NTM: variants seen among roughly 807,000 people sequenced by gnomAD.
NTM encodes the protein IgLON family member 2.
In NTM, 13 loss-of-function variants were observed where a neutral mutation model predicts 42.1. The observed-to-expected ratio is 0.31, with a 90% CI of 0.20 to 0.49. NTM has a LOEUF of 0.49. Among genes scored for constraint, NTM ranks in the 20% least tolerant of loss-of-function variants. NTM has a pLI of 0.99. For synonymous variants in NTM, 187 were observed against 179.2 expected (o/e 1.04, Z -0.35); for missense variants, 373 against 452.8 (o/e 0.82, Z 1.60).
intron 1 of NTM, among the ~76,000 whole-genome samples, chr11:131,608,231 C>CT (rs1233069842): frequency 1.3e-5 from 2 of 152,140 alleles, no homozygotes; most frequent in East Asian, 1.9e-4. Context: ...TGAACTCATC[C>CT]TTTTTTATGG....
intron 1 of NTM, among the ~76,000 whole-genome samples, chr11:131,679,887 G>A (rs896374404): frequency 5.3e-5 from 8 of 152,166 alleles, no homozygotes; most frequent in Non-Finnish European, 8.8e-5. Flanking sequence ...TGGGCTTTCC[G>A]ATGGAGAAGG....
chr11:131,432,839 C>CATTTTTTTTTTTTTTTTTTTTTTTTTTT (rs1565494793), intron 1 of NTM, among the ~76,000 whole-genome samples: 49 of 68,698 alleles, frequency 7.1e-4, no homozygotes, highest in Non-Finnish European at 1.1e-3. Flanking sequence ...ATTTAGCATT[C>CATTTTTTTTTTTTTTTTTTTTTTTTTTT]TTTTTTTTTT....
Position 131,390,649 on chromosome 11 carries a change from G to T in NTM, c.82+19761G>T, listed in dbSNP as rs137981764. 3.1e-3 allele frequency among the ~76,000 whole-genome samples: 472 copies of T among 152,266 alleles called. 2 individuals are homozygous for T. Among genetic ancestry groups the T allele is most frequent in the Non-Finnish European group, 4.8e-3 (327 of 68,014 alleles). Reference sequence around the variant, plus strand: ...AAAGAAGAAAGTGGTGCAGGCCTGGGAAACAGTGGTAACCATCAGCATTTC... The same window carrying T: ...AAAGAAGAAAGTGGTGCAGGCCTGGTAAACAGTGGTAACCATCAGCATTTC... On this transcript the variant is annotated intron_variant, in intron 1 of 8. Coordinates refer to ENST00000683400, the MANE Select transcript of NTM (RefSeq NM_001352005.2).
At chr11:131,588,687 T>G (rs1337938306) in intron 1 of NTM, among the ~76,000 whole-genome samples, 1 of 152,222 alleles carries the variant, frequency 6.6e-6, no homozygotes, top group Non-Finnish European at 1.5e-5. Context: ...CATCATCAAA[T>G]TTTTAACACT....
intron 2 of NTM, among the ~76,000 whole-genome samples, chr11:131,978,479 A>C (rs966567159): frequency 6.6e-6 from 1 of 152,146 alleles, no homozygotes; most frequent in East Asian, 1.9e-4. Context: ...AAGAAAAAAA[A>C]CAGTAGACCT....
intron 2 of NTM, among the ~76,000 whole-genome samples, chr11:131,962,103 C>T (rs1170553948): frequency 2.0e-5 from 3 of 152,032 alleles, no homozygotes; most frequent in African/African-American, 7.2e-5. Flanking sequence ...ATTCTGAGCC[C>T]CTTCCCTCCT....
intron 1 of NTM, among the ~76,000 whole-genome samples, chr11:131,509,323 C>T (rs139806059): frequency 2.3e-3 from 351 of 152,282 alleles, no homozygotes; most frequent in African/African-American, 7.7e-3. Flanking sequence ...CCAATAACTC[C>T]GCTTTGGTCT....
At chr11:131,628,401 T>C (rs2063328497) in intron 1 of NTM, among the ~76,000 whole-genome samples, 1 of 152,256 alleles carries the variant, frequency 6.6e-6, no homozygotes, top group African/African-American at 2.4e-5. Flanking sequence ...AAATGCTTAA[T>C]AAACACAGTT....
chr11:131,957,511 T>A (rs2061678760), intron 2 of NTM, among the ~76,000 whole-genome samples: 1 of 152,196 alleles, frequency 6.6e-6, no homozygotes, highest in African/African-American at 2.4e-5. Context: ...CTAAGATCAT[T>A]CTGAAACCTC....
chr11:131,425,849 T>C (rs938741078), intron 1 of NTM, among the ~76,000 whole-genome samples: 1 of 152,148 alleles, frequency 6.6e-6, no homozygotes, highest in Non-Finnish European at 1.5e-5. Context: ...TTTCGGTAAG[T>C]TCTTGGGAGG....
intron 2 of NTM, among the ~76,000 whole-genome samples, chr11:132,040,195 T>A (rs2077007905): frequency 6.6e-6 from 1 of 152,060 alleles, no homozygotes; most frequent in Non-Finnish European, 1.5e-5. Flanking sequence ...CCCAAAGTAG[T>A]AGGATTCCAC....
At chr11:131,535,914 G>A (rs556507098) in intron 1 of NTM, 15 of 152,338 alleles carry the variant, frequency 9.8e-5, no homozygotes, top group East Asian at 3.9e-4. Flanking sequence ...TCTGATATCC[G>A]TGGAAGAACT....
chr11:131,658,463 C>T (rs538734698), intron 1 of NTM, among the ~76,000 whole-genome samples: 2 of 152,328 alleles, frequency 1.3e-5, no homozygotes, highest in South Asian at 4.1e-4. Context: ...CTCTTACATT[C>T]GTGAACCTAC....
At chr11:131,553,448 G>C (rs982602202) in intron 1 of NTM, among the ~76,000 whole-genome samples, 6 of 152,172 alleles carry the variant, frequency 3.9e-5, no homozygotes, top group Admixed American at 3.9e-4. Context: ...CTGCATGTCT[G>C]TTCCTTCTCT....
intron 2 of NTM, among the ~76,000 whole-genome samples, chr11:131,991,089 G>C (rs1464770630): frequency 6.6e-6 from 1 of 152,160 alleles, no homozygotes; most frequent in African/African-American, 2.4e-5. Flanking sequence ...ACTGTAGTAT[G>C]TACCATGGAG....
Position 132,057,426 on chromosome 11 carries a change from T to C in NTM, c.168-88856T>C, listed in dbSNP as rs76412150. Among the ~76,000 whole-genome samples, 945 of 152,378 alleles carry C rather than the reference T, an allele frequency of 6.2e-3. 7 individuals are homozygous for C. The highest frequency in any genetic ancestry group is 0.02 in the African/African-American group (829 of 41,588). ...TCAAACAGATTCAGCTGTGTGTTTATATTTTCAAGAATTGTAGTAATGTCC... is the reference window on the plus strand; with the variant it reads ...TCAAACAGATTCAGCTGTGTGTTTACATTTTCAAGAATTGTAGTAATGTCC... On this transcript the variant is annotated intron_variant, in intron 2 of 8. Coordinates refer to ENST00000683400, the MANE Select transcript of NTM (RefSeq NM_001352005.2).
At chr11:131,606,276 G>C (rs192768597) in intron 1 of NTM, among the ~76,000 whole-genome samples, 3 of 152,190 alleles carry the variant, frequency 2.0e-5, no homozygotes, top group Admixed American at 6.5e-5. Flanking sequence ...AACTGGTCCC[G>C]AACTCTTGGC....
At chr11:132,059,333 G>A (rs972500205) in intron 2 of NTM, among the ~76,000 whole-genome samples, 2 of 152,220 alleles carry the variant, frequency 1.3e-5, no homozygotes, top group African/African-American at 2.4e-5. Flanking sequence ...GCCTCTGAGA[G>A]TCTGGCCTCC....
intron 1 of NTM, among the ~76,000 whole-genome samples, chr11:131,635,700 G>A (rs2064282255): frequency 6.6e-6 from 1 of 151,930 alleles, no homozygotes; most frequent in Non-Finnish European, 1.5e-5. Flanking sequence ...TATTAATTTA[G>A]TGTATCCCAA....
Sources: allele counts gnomAD v4.1 joint callset (sites outside exome capture counted in the v4.1 genomes callset), GRCh38; gene constraint gnomAD v4.1.1; transcripts MANE v1.5; gene names NCBI Gene and HGNC (gene_info 2026-07-23, HGNC 2026-07-21).